TOP6BL: variants seen among roughly 807,000 people sequenced by gnomAD.
The protein encoded by TOP6BL is TOP6B like initiator of meiotic double strand breaks, also known as type 2 DNA topoisomerase 6 subunit B-like.
At chr11:66,842,721 G>A in the TOP6BL span, 1 of 944,002 alleles carries the variant, frequency 1.1e-6, no homozygotes, top group Non-Finnish European at 1.6e-6. Flanking sequence ...TGGTGTGGAT[G>A]GGACCTGCTG....
At chr11:66,838,544 A>G in the TOP6BL span, 4 of 1,109,440 alleles carry the variant, frequency 3.6e-6, no homozygotes, top group African/African-American at 6.3e-5. Context: ...CTTCTACTAC[A>G]GCGGCGTCCT....
the TOP6BL span, among the ~76,000 whole-genome samples, chr11:66,812,277 C>G: frequency 6.6e-6 from 1 of 151,744 alleles, no homozygotes; most frequent in Non-Finnish European, 1.5e-5. Flanking sequence ...CCCGGGTTCA[C>G]GCCATTCTTC....
At chr11:66,805,457 G>T in the TOP6BL span, among the ~76,000 whole-genome samples, 1 of 151,888 alleles carries the variant, frequency 6.6e-6, no homozygotes, top group Non-Finnish European at 1.5e-5. Flanking sequence ...GTTGATGGAG[G>T]GGCTTTTTTG....
chr11:66,804,160 C>G, the TOP6BL span: 1 of 1,612,926 alleles, frequency 6.2e-7, no homozygotes, highest in Non-Finnish European at 8.5e-7. Context: ...AGGTTTCTTC[C>G]AACCAGCTTA....
the TOP6BL span, among the ~76,000 whole-genome samples, chr11:66,775,150 T>C: frequency 7.8e-6 from 1 of 128,880 alleles, no homozygotes; most frequent in South Asian, 2.6e-4. Flanking sequence ...CACAAAAAAA[T>C]CTTGTTGTGA....
At chr11:66,795,647 A>T in the TOP6BL span, among the ~76,000 whole-genome samples, 10 of 152,100 alleles carry the variant, frequency 6.6e-5, no homozygotes, top group Admixed American at 6.6e-5. Context: ...TGTGAGGTCA[A>T]AGCGGTAGGT....
At chr11:66,788,131 T>C in the TOP6BL span, 1 of 1,511,778 alleles carries the variant, frequency 6.6e-7, no homozygotes, top group Non-Finnish European at 9.2e-7. Flanking sequence ...ACTGCTTGTT[T>C]GACTTTGTTG....
chr11:66,816,154 G>C, the TOP6BL span: 11 of 1,608,526 alleles, frequency 6.8e-6, no homozygotes, highest in East Asian at 2.2e-5. Context: ...TTTTCTCTTT[G>C]TGGATTTCCA....
the TOP6BL span, among the ~76,000 whole-genome samples, chr11:66,770,054 C>T: frequency 6.6e-6 from 1 of 151,952 alleles, no homozygotes; most frequent in African/African-American, 2.4e-5. Flanking sequence ...CTGAGATTAG[C>T]AGTTTTATAA....
chr11:66,749,844 C>T, the TOP6BL span, among the ~76,000 whole-genome samples: 1 of 152,174 alleles, frequency 6.6e-6, no homozygotes, highest in Non-Finnish European at 1.5e-5. Context: ...TCCCAAAGGG[C>T]TGGGATTACA....
chr11:66,807,921 A>G, the TOP6BL span, among the ~76,000 whole-genome samples: 3 of 152,348 alleles, frequency 2.0e-5, no homozygotes, highest in South Asian at 2.1e-4. Flanking sequence ...TGGACTGTAT[A>G]TGCTTTTTGG....
the TOP6BL span, among the ~76,000 whole-genome samples, chr11:66,820,563 A>G: frequency 6.6e-5 from 10 of 152,354 alleles, no homozygotes; most frequent in East Asian, 1.9e-3. Flanking sequence ...TTACTTTAAC[A>G]GAGATAATCT....
the TOP6BL span, chr11:66,756,250 G>A: frequency 2.0e-6 from 2 of 993,620 alleles, no homozygotes; most frequent in African/African-American, 3.5e-5. Context: ...TAAACTATAG[G>A]TCTGTTCAGG....
the TOP6BL span, among the ~76,000 whole-genome samples, chr11:66,792,833 C>T: frequency 2.6e-5 from 4 of 152,136 alleles, no homozygotes; most frequent in Non-Finnish European, 5.9e-5. Context: ...CTCTATGATA[C>T]GCCCTATAAT....
the TOP6BL span, among the ~76,000 whole-genome samples, chr11:66,745,075 G>C: frequency 6.6e-6 from 1 of 152,164 alleles, no homozygotes; most frequent in Non-Finnish European, 1.5e-5. Flanking sequence ...AAGCGAGGAA[G>C]TAGGAGCAGA....
the TOP6BL span, among the ~76,000 whole-genome samples, chr11:66,809,591 T>C: frequency 6.6e-6 from 1 of 152,364 alleles, no homozygotes; most frequent in African/African-American, 2.4e-5. Flanking sequence ...AGTAATAATA[T>C]TGGTATTTTA....
the TOP6BL span, among the ~76,000 whole-genome samples, chr11:66,821,286 ATTTT>A: frequency 3.8e-5 from 4 of 106,334 alleles, no homozygotes; most frequent in Non-Finnish European, 4.1e-5. Flanking sequence ...ACATCTGGTA[ATTTT>A]TTTTTTTTTT....
the TOP6BL span, among the ~76,000 whole-genome samples, chr11:66,746,085 G>A: frequency 6.6e-6 from 1 of 152,022 alleles, no homozygotes; most frequent in African/African-American, 2.4e-5. Flanking sequence ...TGCTGGGACC[G>A]GCGTGAGCCA....
At chr11:66,756,620 G>C in the TOP6BL span, 5 of 805,290 alleles carry the variant, frequency 6.2e-6, no homozygotes, top group Non-Finnish European at 7.6e-6. Context: ...AAAGATGACA[G>C]TAGAGACTTA....
Sources: allele counts gnomAD v4.1 joint callset (sites outside exome capture counted in the v4.1 genomes callset), GRCh38; gene constraint gnomAD v4.1.1; transcripts MANE v1.5; gene names NCBI Gene and HGNC (gene_info 2026-07-23, HGNC 2026-07-21).